The following LRRC49 variants were observed in gnomAD, a reference collection of about 807,000 sequenced individuals.
LRRC49 encodes the protein leucine-rich repeat-containing protein 49.
LRRC49 carries 50 observed loss-of-function variants against 83.3 expected under a neutral mutation model. That is an observed-to-expected ratio of 0.60 (90% CI 0.48 to 0.76). LRRC49 has a LOEUF of 0.76. Among genes scored for constraint, LRRC49 ranks in the 30% least tolerant of loss-of-function variants. The pLI, the probability that LRRC49 is intolerant of heterozygous loss-of-function variation, is 0.00. For synonymous variants in LRRC49, 286 were observed against 283.3 expected, an observed-to-expected ratio of 1.01 and a Z score of -0.10; for missense variants, 704 against 809.1, an observed-to-expected ratio of 0.87 and a Z score of 1.58.
At chr15:70,911,503 A>G in intron 5 of LRRC49, 29 bp from the exon 6 acceptor site, 1 of 1,294,972 alleles carries the variant, frequency 7.7e-7, no homozygotes, top group Non-Finnish European at 1.1e-6. Flanking sequence ...ATACATCCGT[A>G]TTTCTATTCT....
rs1203116332 is a variant in LRRC49, at chr15:71,008,432, C to T, written c.1223C>T (p.Thr408Ile). 3 of 1,612,980 alleles carry T rather than the reference C, an allele frequency of 1.9e-6. No individual in the cohort carries two copies. The South Asian group carries it at 3.3e-5, about 18-fold the overall frequency. Reference protein sequence around the residue: ...NALQGLSVIDTYLVEVDGDTL... With the variant: ...NALQGLSVIDIYLVEVDGDTL... Reference sequence around the variant, plus strand: ...TTACAAGGTTTATCTGTCATAGACACATACCTTGTTGAAGTGGACGGGGAT... The same window carrying T: ...TTACAAGGTTTATCTGTCATAGACATATACCTTGTTGAAGTGGACGGGGAT... The change falls in exon 12 of 16, where the codon ACA becomes ATA. Residue 408 changes from threonine (T) to isoleucine (I), a missense_variant. Thr to Ile is a moderately conservative substitution (Grantham distance 89). Around this residue, in one of 3 missense-constraint regions of LRRC49, gnomAD observed 275 missense variants for 338.0 expected, o/e 0.81. Transcript: ENST00000260382.
chr15:70,855,700 T>C (rs1157886016), intron 1 of LRRC49, among the ~76,000 whole-genome samples: 2 of 152,144 alleles, frequency 1.3e-5, no homozygotes. Flanking sequence ...TTGTCGGACC[T>C]CTGTTTTGAT....
upstream of LRRC49, among the ~76,000 whole-genome samples, chr15:70,891,347 G>A (rs538950558): frequency 1.3e-5 from 2 of 152,218 alleles, no homozygotes; most frequent in East Asian, 1.9e-4. Flanking sequence ...GGGGTGGGAA[G>A]GGATTTATTA....
At chr15:71,045,173 C>T (rs1157162507) in intron 15 of LRRC49, among the ~76,000 whole-genome samples, 2 of 152,008 alleles carry the variant, frequency 1.3e-5, no homozygotes, top group Non-Finnish European at 2.9e-5. Context: ...GGATTGTAGG[C>T]GTGAGCCAAG....
chr15:70,862,754 T>A (rs1186182279), intron 1 of LRRC49, among the ~76,000 whole-genome samples: 5 of 152,090 alleles, frequency 3.3e-5, no homozygotes, highest in African/African-American at 1.2e-4. Context: ...TTTTTCAGGT[T>A]CCTCCCAACA....
At chr15:71,025,441 A>G (rs1175323199) in intron 14 of LRRC49, among the ~76,000 whole-genome samples, 1 of 152,196 alleles carries the variant, frequency 6.6e-6, no homozygotes, top group African/African-American at 2.4e-5. Context: ...CAATGACACT[A>G]TGAAGCAACT....
chr15:70,962,023 C>T (rs751613663), intron 8 of LRRC49, among the ~76,000 whole-genome samples: 12 of 152,246 alleles, frequency 7.9e-5, no homozygotes, highest in South Asian at 2.1e-4. Flanking sequence ...TAAGAAACTT[C>T]GGAAATGAGC....
At chr15:70,908,095 T>C in intron 5 of LRRC49, 1 of 436,422 alleles carries the variant, frequency 2.3e-6, no homozygotes, top group Non-Finnish European at 4.7e-6. Flanking sequence ...GTCTTGGGTT[T>C]AACTGATTGA....
intron 14 of LRRC49, among the ~76,000 whole-genome samples, chr15:71,023,736 AC>A (rs747597591): frequency 8.5e-5 from 13 of 152,176 alleles, no homozygotes; most frequent in Non-Finnish European, 1.6e-4. Flanking sequence ...AGCCCATGCC[AC>A]CAGGGCCTTG....
At chr15:70,973,171 G>A (rs1009561204) in intron 9 of LRRC49, among the ~76,000 whole-genome samples, 7 of 152,088 alleles carry the variant, frequency 4.6e-5, no homozygotes, top group Admixed American at 3.3e-4. Context: ...GAGTTTTTGC[G>A]TAGTTATCCT....
At chr15:71,024,569 A>G (rs1379445935) in intron 14 of LRRC49, among the ~76,000 whole-genome samples, 1 of 152,154 alleles carries the variant, frequency 6.6e-6, no homozygotes, top group Non-Finnish European at 1.5e-5. Context: ...CAACAGCATA[A>G]ACAAAAAAGT....
At chr15:70,892,541 G>A, upstream of LRRC49, 1 of 1,510,490 alleles carries the variant, frequency 6.6e-7, no homozygotes, top group South Asian at 1.2e-5. Context: ...CGCGCGGGCA[G>A]CGCTGAGGTG....
intron 3 of LRRC49, chr15:70,900,221 A>G (rs928116152): frequency 1.6e-5 from 4 of 244,432 alleles, no homozygotes; most frequent in Non-Finnish European, 3.3e-5. Context: ...AAAGCTACAT[A>G]ATGGCAAGGA....
intron 10 of LRRC49, among the ~76,000 whole-genome samples, chr15:70,981,575 T>C (rs1271219804): frequency 7.5e-6 from 1 of 132,566 alleles, no homozygotes; most frequent in Non-Finnish European, 1.6e-5. Flanking sequence ...AGATACTGTC[T>C]TCTGCCTTGT....
chr15:70,906,589 A>G (rs993756595), intron 5 of LRRC49, among the ~76,000 whole-genome samples: 3 of 152,096 alleles, frequency 2.0e-5, no homozygotes, highest in African/African-American at 7.2e-5. Context: ...TCATCTTTCC[A>G]TCTATTCTAT....
At chr15:70,944,082 T>C (rs563552921) in intron 8 of LRRC49, among the ~76,000 whole-genome samples, 160 of 152,304 alleles carry the variant, frequency 1.1e-3, no homozygotes, top group African/African-American at 3.7e-3. Context: ...TCCATTTTTT[T>C]CCCATGGTGC....
At chr15:70,959,050 A>G (rs933413606) in intron 8 of LRRC49, among the ~76,000 whole-genome samples, 1 of 152,232 alleles carries the variant, frequency 6.6e-6, no homozygotes, top group Admixed American at 6.5e-5. Context: ...TAAAGTATTT[A>G]TAGTACTATA....
At chr15:70,870,567 CA>C (rs11321090) in intron 1 of LRRC49, among the ~76,000 whole-genome samples, 83,033 of 152,020 alleles carry the variant, frequency 0.55, 23,468 homozygotes, top group Admixed American at 0.69. Flanking sequence ...CTTGGCTCAC[CA>C]AAACCTCCGC....
chr15:71,019,579 G>A, intron 14 of LRRC49, among the ~76,000 whole-genome samples: 1 of 152,064 alleles, frequency 6.6e-6, no homozygotes, highest in East Asian at 1.9e-4. Flanking sequence ...TCTTCCTAAG[G>A]GTTAAAATGA....
Sources: allele counts gnomAD v4.1 joint callset (sites outside exome capture counted in the v4.1 genomes callset), GRCh38; gene constraint gnomAD v4.1.1; regional missense constraint gnomAD v4.1.1; transcripts MANE v1.5; gene names NCBI Gene and HGNC (gene_info 2026-07-23, HGNC 2026-07-21).